Variants in FBXL2 observed in about 807,000 individuals in gnomAD.
The protein encoded by FBXL2 is F-box and leucine rich repeat protein 2.
In FBXL2, 38 loss-of-function variants were observed where a neutral mutation model predicts 69.2. The ratio of observed to expected loss-of-function variants is 0.55; its 90% confidence interval spans 0.42 to 0.72. FBXL2 has a LOEUF of 0.72. Among genes scored for constraint, FBXL2 ranks in the 30% least tolerant of loss-of-function variants. The pLI, the probability that FBXL2 is intolerant of heterozygous loss-of-function variation, is 0.00. For missense variants in FBXL2, 354 were observed against 520.3 expected (o/e 0.68, Z 3.11); for synonymous variants, 192 against 201.3 (o/e 0.95, Z 0.39).
intron 4 of FBXL2, among the ~76,000 whole-genome samples, chr3:33,360,640 A>T (rs1452077765): frequency 6.6e-6 from 1 of 152,180 alleles, no homozygotes; most frequent in Admixed American, 6.6e-5. Context: ...CAGTGATTAC[A>T]ATAGTACTCC....
chr3:33,411,432 T>C, the FBXL2 span: 6 of 622,874 alleles, frequency 9.6e-6, no homozygotes, highest in Non-Finnish European at 1.7e-5. Flanking sequence ...GTGAACTTAC[T>C]AGATTAAACC....
At chr3:33,403,287 T>C in exon 13 of FBXL2, 1 of 245,962 alleles carries the variant, frequency 4.1e-6, no homozygotes, top group Non-Finnish European at 8.0e-6. Context: ...AGAAAGGATT[T>C]ATAAGCAACA....
At chr3:33,358,204 C>T (rs1193256799) in intron 2 of FBXL2, among the ~76,000 whole-genome samples, 1 of 152,144 alleles carries the variant, frequency 6.6e-6, no homozygotes, top group East Asian at 1.9e-4. Flanking sequence ...CAACCCTGTC[C>T]ACCCTTCTTC....
At chr3:33,319,270 C>T (rs2037988820) in intron 2 of FBXL2, among the ~76,000 whole-genome samples, 1 of 151,634 alleles carries the variant, frequency 6.6e-6, no homozygotes, top group South Asian at 2.1e-4. Context: ...TTAGTGAGGA[C>T]TTATTGAAAA....
chr3:33,290,448 A>G (rs1435603318), intron 1 of FBXL2, among the ~76,000 whole-genome samples: 1 of 152,246 alleles, frequency 6.6e-6, no homozygotes, highest in Non-Finnish European at 1.5e-5. Flanking sequence ...GGGAAGAAAG[A>G]GGCAACAGAA....
chr3:33,411,348 T>C, the FBXL2 span, among the ~76,000 whole-genome samples: 6 of 152,236 alleles, frequency 3.9e-5, no homozygotes, highest in African/African-American at 1.2e-4. Context: ...TTGGGACTAC[T>C]AGTGGTAAAA....
Position 33,362,483 on chromosome 3 carries a change from A to G in FBXL2, c.196-2142A>G, listed in dbSNP as rs116265321. 2.2e-3 allele frequency among the ~76,000 whole-genome samples: 332 copies of G among 150,726 alleles called. 1 individual carries two copies. The highest frequency in any genetic ancestry group is 0.011 in the South Asian group (53 of 4,746). ...GAATATTGCACTGAAATGGATTTGC[A>G]TTTTCCCCCTCTTAGTTGGAAACAG... On this transcript the variant is annotated intron_variant, in intron 4 of 14. Transcript: ENST00000484457.
At chr3:33,328,780 T>G (rs1046336017) in intron 2 of FBXL2, among the ~76,000 whole-genome samples, 8 of 148,930 alleles carry the variant, frequency 5.4e-5, no homozygotes, top group African/African-American at 2.0e-4. Context: ...GACGTTGGTT[T>G]GGGCAAATTT....
At chr3:33,394,975 T>C (rs2043918427) in intron 12 of FBXL2, among the ~76,000 whole-genome samples, 1 of 152,078 alleles carries the variant, frequency 6.6e-6, no homozygotes, top group Non-Finnish European at 1.5e-5. Context: ...ACCTGACCTT[T>C]TACAGAAAAA....
At position 33,332,572 on chromosome 3, in the gene FBXL2, C is replaced by T. The variant is rs34467793; in HGVS notation, c.66-26395C>T. 8.6e-3 allele frequency among the ~76,000 whole-genome samples: 1,303 copies of T among 152,324 alleles called. 13 individuals are homozygous for T. The highest frequency in any genetic ancestry group is 0.014 in the Non-Finnish European group (965 of 68,012). ...ATGAACTAATTGTGGTATAGTCATG[C>T]GTCACTTGACAGTGGAGCTGTATTT... On this transcript the variant is annotated intron_variant, in intron 2 of 14. Transcript: ENST00000484457.
chr3:33,297,618 T>C (rs375242047), intron 1 of FBXL2, 46 bp from the exon 2 acceptor site: 2 of 1,225,776 alleles, frequency 1.6e-6, no homozygotes, highest in Non-Finnish European at 2.4e-6. Flanking sequence ...TTTTCCACAT[T>C]GATTAAAGAA....
chr3:33,382,816 T>C (rs1217365582), intron 13 of FBXL2: 1 of 152,224 alleles, frequency 6.6e-6, no homozygotes, highest in Non-Finnish European at 1.5e-5. Flanking sequence ...CCACTGACCT[T>C]GGAATCAGAA....
At chr3:33,320,476 A>G (rs542743633) in intron 2 of FBXL2, among the ~76,000 whole-genome samples, 1 of 152,136 alleles carries the variant, frequency 6.6e-6, no homozygotes, top group East Asian at 1.9e-4. Flanking sequence ...TTGGGGTAGG[A>G]AAGCATTTCT....
At chr3:33,340,370 A>G (rs1362696747) in intron 2 of FBXL2, among the ~76,000 whole-genome samples, 1 of 152,098 alleles carries the variant, frequency 6.6e-6, no homozygotes, top group Non-Finnish European at 1.5e-5. Flanking sequence ...CTTAGCATCC[A>G]TATTATGGTC....
intron 2 of FBXL2, among the ~76,000 whole-genome samples, chr3:33,350,153 TAGTA>T (rs1400717950): frequency 2.6e-5 from 4 of 152,162 alleles, no homozygotes; most frequent in Admixed American, 6.5e-5. Flanking sequence ...AACAAAATAT[TAGTA>T]AGTCAAATCC....
At chr3:33,306,879 G>T (rs1246743644) in intron 2 of FBXL2, among the ~76,000 whole-genome samples, 2 of 151,904 alleles carry the variant, frequency 1.3e-5, no homozygotes, top group Non-Finnish European at 2.9e-5. Flanking sequence ...GCTGCAAAGT[G>T]GTGATACTCT....
chr3:33,411,874 T>C, the FBXL2 span, among the ~76,000 whole-genome samples: 1 of 150,648 alleles, frequency 6.6e-6, no homozygotes, highest in Admixed American at 6.7e-5. Context: ...TCCCCTACCA[T>C]GGTTTGTATT....
chr3:33,295,434 T>C (rs2035644953), intron 1 of FBXL2, among the ~76,000 whole-genome samples: 1 of 152,256 alleles, frequency 6.6e-6, no homozygotes, highest in South Asian at 2.1e-4. Context: ...TTTTTATTGC[T>C]GACTGATATT....
At chr3:33,340,128 T>G (rs909623540) in intron 2 of FBXL2, among the ~76,000 whole-genome samples, 13 of 152,228 alleles carry the variant, frequency 8.5e-5, no homozygotes, top group Non-Finnish European at 1.5e-4. Context: ...GGATGTATTT[T>G]GTTTATCTCT....
Sources: allele counts gnomAD v4.1 joint callset (sites outside exome capture counted in the v4.1 genomes callset), GRCh38; gene constraint gnomAD v4.1.1; transcripts MANE v1.5; gene names NCBI Gene and HGNC (gene_info 2026-07-23, HGNC 2026-07-21).